The following IL12RB2 variants were observed in gnomAD, a reference collection of about 807,000 sequenced individuals.
IL12RB2 encodes interleukin-12 receptor subunit beta-2.
In IL12RB2, 82 loss-of-function variants were observed where a neutral mutation model predicts 89.4. The observed-to-expected ratio is 0.92, with a 90% CI of 0.77 to 1.10. IL12RB2 has a LOEUF of 1.10. IL12RB2 is among the 50% of genes least tolerant of loss of function. The pLI is 0.00. For synonymous variants in IL12RB2, 368 were observed against 370.1 expected, an observed-to-expected ratio of 0.99 and a Z score of 0.07; for missense variants, 963 against 1,031.9, an observed-to-expected ratio of 0.93 and a Z score of 0.92.
chr1:67,384,116 T>C (rs935901834), intron 14 of IL12RB2, among the ~76,000 whole-genome samples: 2 of 152,226 alleles, frequency 1.3e-5, no homozygotes, highest in African/African-American at 2.4e-5. Flanking sequence ...GTGTAGGGGC[T>C]TGCACCCCAC....
chr1:67,390,287 T>A (rs1178763728), intron 16 of IL12RB2, among the ~76,000 whole-genome samples, 159 bp downstream of exon 16: 3 of 152,122 alleles, frequency 2.0e-5, no homozygotes, highest in Admixed American at 6.5e-5. Context: ...CTCATTTTAA[T>A]TCCTGAACTT....
At position 67,398,327 on chromosome 1, in the gene IL12RB2, C is replaced by T. The variant is rs1666475687; in HGVS notation, c.*2238C>T. On this transcript the variant is annotated 3_prime_UTR_variant, in exon 17 of 17. Coordinates refer to ENST00000674203, the MANE Select transcript of IL12RB2 (RefSeq NM_001374259.2). Reference sequence around the variant, plus strand: ...TAACTTCACTGTTTTCTTACAATACCTGGTTTTTCCTATCTTTGGTTTCCT... The same window carrying T: ...TAACTTCACTGTTTTCTTACAATACTTGGTTTTTCCTATCTTTGGTTTCCT... Among the ~76,000 whole-genome samples, 1 of 151,994 alleles carries T rather than the reference C, an allele frequency of 6.6e-6. No individual in the cohort carries two copies. Among genetic ancestry groups the T allele is most frequent in the Admixed American group, 6.6e-5 (1 of 15,238 alleles).
chr1:67,371,203 G>C (rs1183288557), intron 11 of IL12RB2, among the ~76,000 whole-genome samples: 1 of 152,148 alleles, frequency 6.6e-6, no homozygotes, highest in Non-Finnish European at 1.5e-5. Flanking sequence ...AGCTGACTGT[G>C]TCCTTTTCTC....
In IL12RB2 at chr1:67,395,949, G is replaced by T. The variant is rs1666331493; in HGVS notation, c.2449G>T (p.Asp817Tyr). The T allele has an allele frequency of 6.2e-7, 1 of 1,612,082 alleles. No individual in the cohort carries two copies. The highest frequency in any genetic ancestry group is 8.5e-7 in the Non-Finnish European group (1 of 1,178,152). The change falls in exon 17 of 17, where the codon GAC (aspartate) becomes TAC (tyrosine). Residue 817 changes from aspartate (D) to tyrosine (Y), a missense_variant. Asp to Tyr is a radical substitution (Grantham distance 160, BLOSUM62 -3). Transcript: ENST00000674203. ...DLPSHEAPLA[D>Y]SLEELEPQHI... Reference sequence around the variant, plus strand: ...CCCCTCACATGAGGCACCTCTCGCTGACTCTCTGGAAGAACTGGAGCCTCA... The same window carrying T: ...CCCCTCACATGAGGCACCTCTCGCTTACTCTCTGGAAGAACTGGAGCCTCA...
At chr1:67,390,454 CCT>C (rs1665686609) in intron 16 of IL12RB2, among the ~76,000 whole-genome samples, 1 of 109,322 alleles carries the variant, frequency 9.1e-6, no homozygotes, top group Non-Finnish European at 1.9e-5. Flanking sequence ...AGCAAACTTT[CCT>C]TTTTTTTTTT....
chr1:67,335,215 A>G (rs2100717706), intron 8 of IL12RB2, among the ~76,000 whole-genome samples: 1 of 152,350 alleles, frequency 6.6e-6, no homozygotes, highest in Admixed American at 6.5e-5. Flanking sequence ...AAAAGAGTCC[A>G]GCAGAGAAGG....
rs182512894 is a variant in IL12RB2, at chr1:67,347,852, C to T, written c.1039-3018C>T. ...GATGCAAGACACATTCTGGATACTG[C>T]GCACCGCTCTCACATCCACCAGAGG... On this transcript the variant is annotated intron_variant, in intron 9 of 16. Coordinates refer to ENST00000674203, the MANE Select transcript of IL12RB2 (RefSeq NM_001374259.2). Among the ~76,000 whole-genome samples the T allele has an allele frequency of 8.1e-4, 123 of 152,210 alleles. 1 individual carries two copies. The highest frequency in any genetic ancestry group is 6.4e-3 in the Admixed American group (98 of 15,282).
chr1:67,395,245 G>T (rs1230315140), intron 16 of IL12RB2, among the ~76,000 whole-genome samples: 1 of 151,828 alleles, frequency 6.6e-6, no homozygotes, highest in Non-Finnish European at 1.5e-5. Flanking sequence ...TTGAGCCTGG[G>T]TGACAGAAGG....
chr1:67,313,241 G>A (rs2030071), intron 1 of IL12RB2, among the ~76,000 whole-genome samples: 6,937 of 152,312 alleles, frequency 0.046, 168 homozygotes, highest in Admixed American at 0.069. Context: ...CATATTGTAT[G>A]TGCGCTGAGT....
intron 10 of IL12RB2, among the ~76,000 whole-genome samples, chr1:67,366,217 C>T (rs897223869): frequency 6.6e-6 from 1 of 151,862 alleles, no homozygotes; most frequent in Non-Finnish European, 1.5e-5. Context: ...TTTGGGAGCC[C>T]GAGGCGGGTG....
chr1:67,324,086 T>G (rs915172661), intron 4 of IL12RB2, among the ~76,000 whole-genome samples: 1 of 152,216 alleles, frequency 6.6e-6, no homozygotes, highest in Non-Finnish European at 1.5e-5. Context: ...AATGAAAAGT[T>G]AATATAGTAT....
intron 1 of IL12RB2, among the ~76,000 whole-genome samples, chr1:67,308,434 G>A (rs1374059049): frequency 1.3e-5 from 2 of 152,146 alleles, no homozygotes; most frequent in Non-Finnish European, 2.9e-5. Flanking sequence ...GGGGCCTTCC[G>A]TAGTCCCGGA....
rs1029735997 is a variant in IL12RB2, at chr1:67,348,197, G to A, written c.1039-2673G>A. Among the ~76,000 whole-genome samples the A allele has an allele frequency of 1.2e-4, 19 of 152,160 alleles. No individual in the cohort carries two copies. In the Middle Eastern group the frequency reaches 0.014, roughly 109 times the overall value. ...TAACTCTGGAAAAAAAGGGATTCTC[G>A]GTCTCCACCCTCCCCAAACTGATGA... On this transcript the variant is annotated intron_variant, in intron 9 of 16. Coordinates refer to ENST00000674203, the MANE Select transcript of IL12RB2 (RefSeq NM_001374259.2).
intron 12 of IL12RB2, 44 bp downstream of exon 12, chr1:67,372,578 A>G: frequency 6.2e-7 from 1 of 1,609,954 alleles, no homozygotes. Context: ...TAGTTTAATG[A>G]TTTGGATTTG....
chr1:67,389,424 A>G (rs1382395663), intron 15 of IL12RB2, among the ~76,000 whole-genome samples: 1 of 152,190 alleles, frequency 6.6e-6, no homozygotes, highest in East Asian at 1.9e-4. Flanking sequence ...AATAAGTCAC[A>G]TGCATTTATA....
In IL12RB2 at chr1:67,372,422, C is replaced by G; in HGVS notation, c.1460-14C>G. ...AATGGCACGGCTGTTATGGGAATTC[C>G]CTTTTCCTTGCAGAGAACATAAAAT... On this transcript the variant is annotated splice_polypyrimidine_tract_variant and intron_variant, in intron 11 of 16. Coordinates refer to ENST00000674203, the MANE Select transcript of IL12RB2 (RefSeq NM_001374259.2). The G allele has an allele frequency of 7.1e-7, 1 of 1,411,082 alleles. No individual in the cohort carries two copies. The highest frequency in any genetic ancestry group is 1.0e-6 in the Non-Finnish European group (1 of 994,516). 87.4% of individuals were successfully genotyped at this position (1,411,082 alleles called of 1,614,324 possible).
intron 7 of IL12RB2, 47 bp downstream of exon 7, chr1:67,329,776 A>G: frequency 1.6e-6 from 2 of 1,283,300 alleles, no homozygotes; most frequent in Non-Finnish European, 2.3e-6. Context: ...CATTCTTAAT[A>G]TTGCTGCGCA....
intron 9 of IL12RB2, among the ~76,000 whole-genome samples, chr1:67,343,598 C>T (rs1659902288): frequency 6.6e-6 from 1 of 152,152 alleles, no homozygotes; most frequent in Admixed American, 6.5e-5. Flanking sequence ...CCTTTCTCTT[C>T]TCCTTCTGTA....
rs754086617 is a variant in IL12RB2, at chr1:67,320,332, G to A, written c.-36-1G>A. 11 of 1,613,692 alleles carry A rather than the reference G, an allele frequency of 6.8e-6. No individual in the cohort carries two copies. Among genetic ancestry groups the A allele is most frequent in the Non-Finnish European group, 9.3e-6 (11 of 1,179,784 alleles). ...TGAATGAATTTGTCTTCTTTTGCAA[G>A]GAAGAATACGGAGTTCTATACCAGA... On this transcript the variant is annotated splice_acceptor_variant, in intron 2 of 16. Transcript: ENST00000674203. LOFTEE classifies it low-confidence loss of function (5UTR_SPLICE).
Sources: gnomAD v4.1 joint callset for allele counts (sites outside exome capture counted in the v4.1 genomes callset) on GRCh38, gnomAD v4.1.1 for gene constraint, MANE v1.5 for transcripts, NCBI Gene and HGNC (gene_info 2026-07-23, HGNC 2026-07-21) for gene names.